Variants in SLMAP observed in about 807,000 individuals in gnomAD.
SLMAP encodes sarcolemma associated protein.
Under a neutral mutation model 128.8 loss-of-function variants are expected in SLMAP, and 44 were observed. That is an observed-to-expected ratio of 0.34 (90% CI 0.27 to 0.44). SLMAP has a LOEUF of 0.44. Ranked by LOEUF, SLMAP falls within the 20% of genes least tolerant of loss-of-function variation. The probability of loss-of-function intolerance (pLI) is 1.00; values close to 1 mark genes in which losing one functional copy is unlikely to be tolerated. For missense variants in SLMAP, 787 were observed against 985.3 expected, an observed-to-expected ratio of 0.80 and a Z score of 2.69; for synonymous variants, 327 against 348.8, an observed-to-expected ratio of 0.94 and a Z score of 0.70.
chr3:57,887,137 A>C (rs2095911672), intron 14 of SLMAP, among the ~76,000 whole-genome samples: 1 of 152,200 alleles, frequency 6.6e-6, no homozygotes, highest in South Asian at 2.1e-4. Context: ...GAGCACCAGG[A>C]ATAAAGAGAA....
chr3:57,873,586 T>A (rs2095534166), intron 14 of SLMAP, among the ~76,000 whole-genome samples: 1 of 152,208 alleles, frequency 6.6e-6, no homozygotes. Context: ...TACCTTCTGA[T>A]TACTAAATCT....
At chr3:57,797,185 A>AAC (rs1307131866) in intron 2 of SLMAP, among the ~76,000 whole-genome samples, 6 of 143,420 alleles carry the variant, frequency 4.2e-5, no homozygotes, top group Non-Finnish European at 7.8e-5. Flanking sequence ...CTGTATCTTA[A>AAC]AAAAAAAAAA....
chr3:57,814,042 G>A (rs2091465797), intron 2 of SLMAP, among the ~76,000 whole-genome samples: 1 of 151,020 alleles, frequency 6.6e-6, no homozygotes, highest in Non-Finnish European at 1.5e-5. Flanking sequence ...GTCCCAAGTA[G>A]CATTTTGAGT....
chr3:57,881,985 C>T (rs1201408725), intron 14 of SLMAP, among the ~76,000 whole-genome samples: 1 of 151,802 alleles, frequency 6.6e-6, no homozygotes, highest in South Asian at 2.1e-4. Context: ...CCAGCCTGGT[C>T]AATGTAGCAA....
intron 21 of SLMAP, among the ~76,000 whole-genome samples, chr3:57,916,510 A>T (rs1229155687): frequency 1.3e-5 from 2 of 152,142 alleles, no homozygotes; most frequent in African/African-American, 4.8e-5. Flanking sequence ...CTAAGCTTTA[A>T]GTTTCTGACC....
intron 2 of SLMAP, among the ~76,000 whole-genome samples, chr3:57,825,997 G>T (rs1018967383): frequency 6.6e-6 from 1 of 152,058 alleles, no homozygotes; most frequent in African/African-American, 2.4e-5. Context: ...GGGGAGCTTG[G>T]AGCTGCCTAC....
chr3:57,758,205 C>G (rs1035260590), intron 2 of SLMAP, among the ~76,000 whole-genome samples: 12 of 152,164 alleles, frequency 7.9e-5, no homozygotes, highest in African/African-American at 2.9e-4. Flanking sequence ...CAGCAGTTCT[C>G]GAAGCAATTC....
At position 57,917,234 on chromosome 3, in the gene SLMAP, C is replaced by T. The variant is rs922229536; in HGVS notation, c.2310+157C>T. The T allele has an allele frequency of 2.0e-6, 3 of 1,501,644 alleles. No individual in the cohort carries two copies. In the Admixed American group the frequency reaches 6.3e-5, roughly 32 times the overall value. The allele number at this position is 1,501,644 out of a possible 1,614,324, so 93.0% of individuals were successfully genotyped here. A position where few individuals can be genotyped will look rare whatever the true frequency, so the allele number is the denominator to read the frequency against. On this transcript the variant is annotated intron_variant, in intron 22 of 24. Coordinates refer to ENST00000671191, the MANE Select transcript of SLMAP (RefSeq NM_001377540.1). Reference sequence around the variant, plus strand: ...ATCTCTGCTTGGTGATTTCTAGCTGCATATCATGGTCCATATGTAGAGAAT... The same window carrying T: ...ATCTCTGCTTGGTGATTTCTAGCTGTATATCATGGTCCATATGTAGAGAAT...
intron 17 of SLMAP, chr3:57,897,236 C>A: frequency 3.4e-6 from 2 of 582,026 alleles, no homozygotes; most frequent in Non-Finnish European, 5.1e-6. Context: ...GCGCTTTTAA[C>A]ATAATTAGAA....
At chr3:57,870,277 C>T (rs1412445350) in intron 13 of SLMAP, among the ~76,000 whole-genome samples, 1 of 151,952 alleles carries the variant, frequency 6.6e-6, no homozygotes, top group Non-Finnish European at 1.5e-5. Flanking sequence ...ACTTTTTATC[C>T]TGGCAATTAC....
In SLMAP at chr3:57,906,305, T is replaced by TTTTTC. The variant is rs1165016142; in HGVS notation, c.1502-1574_1502-1570dup. On this transcript the variant is annotated intron_variant, in intron 17 of 24. Transcript: ENST00000671191. ...ACCCAGAATCAAATTTTTTTCTTTT[T>TTTTTC]TTTTCTTTTTTTTTTTTTTTTTTTT... 6.2e-5 allele frequency among the ~76,000 whole-genome samples: 6 copies of TTTTTC among 96,232 alleles called. No individual in the cohort carries two copies. The South Asian group carries it at 1.7e-3, about 27-fold the overall frequency. 63.1% of individuals were successfully genotyped at this position (96,232 alleles called of 152,430 possible). A position where few individuals can be genotyped will look rare whatever the true frequency, so the allele number is the denominator to read the frequency against.
At chr3:57,889,983 G>A in intron 14 of SLMAP, 58 bp from the exon 15 acceptor site, 2 of 1,225,384 alleles carry the variant, frequency 1.6e-6, no homozygotes, top group Non-Finnish European at 2.4e-6. Context: ...ACACTGCCCA[G>A]CTCAGGGAAA....
At chr3:57,861,614 C>T (rs548920187) in intron 9 of SLMAP, among the ~76,000 whole-genome samples, 30 of 152,218 alleles carry the variant, frequency 2.0e-4, no homozygotes, top group South Asian at 4.1e-4. Context: ...AACTTGCTTT[C>T]AAGGATTGAT....
At chr3:57,771,178 C>T in intron 2 of SLMAP, among the ~76,000 whole-genome samples, 1 of 140,914 alleles carries the variant, frequency 7.1e-6, no homozygotes, top group Non-Finnish European at 1.5e-5. Flanking sequence ...CCTCCCCTCC[C>T]CTCTCCTCTC....
At chr3:57,843,305 CTTTTTTTTTTTTTT>C in intron 4 of SLMAP, among the ~76,000 whole-genome samples, 5 of 92,140 alleles carry the variant, frequency 5.4e-5, no homozygotes, top group South Asian at 4.4e-4. Context: ...CTTTCTTTTC[CTTTTTTTTTTTTTT>C]TTTTTTTTTT....
chr3:57,847,134 T>G lies in SLMAP; in HGVS notation c.420-63T>G, dbSNP rs991820074. ...TTTGTGGTGTAAGATATTCTGGTGC[T>G]CTCATACTCTGTTTCCTCTATTGTC... On this transcript the variant is annotated intron_variant, in intron 4 of 24. Coordinates refer to ENST00000671191, the MANE Select transcript of SLMAP (RefSeq NM_001377540.1). The G allele has an allele frequency of 1.0e-4, 105 of 1,016,692 alleles. 1 individual carries two copies. The Admixed American group carries it at 2.1e-3, about 21-fold the overall frequency. The allele number at this position is 1,016,692 out of a possible 1,614,324, so 63.0% of individuals were successfully genotyped here.
At chr3:57,836,633 C>T (rs957730891) in intron 3 of SLMAP, among the ~76,000 whole-genome samples, 1 of 152,130 alleles carries the variant, frequency 6.6e-6, no homozygotes, top group Non-Finnish European at 1.5e-5. Flanking sequence ...CCACTGGACC[C>T]CACCAACAAT....
chr3:57,898,549 C>T (rs945678603), intron 17 of SLMAP: 2 of 152,126 alleles, frequency 1.3e-5, no homozygotes, highest in African/African-American at 4.8e-5. Flanking sequence ...CAATAGCCAA[C>T]TTAAGATTGA....
chr3:57,773,133 G>A (rs1315649434), intron 2 of SLMAP, among the ~76,000 whole-genome samples: 3 of 152,170 alleles, frequency 2.0e-5, no homozygotes, highest in Non-Finnish European at 4.4e-5. Context: ...AATAGCCAGT[G>A]GGTTGAGATG....
Sources: gnomAD v4.1 joint callset for allele counts (sites outside exome capture counted in the v4.1 genomes callset) on GRCh38, gnomAD v4.1.1 for gene constraint, MANE v1.5 for transcripts, NCBI Gene and HGNC (gene_info 2026-07-23, HGNC 2026-07-21) for gene names.